Variants in DIP2C observed in about 807,000 individuals in gnomAD.
DIP2C encodes DIP2 acetate--CoA ligase C (putative).
Under a neutral mutation model 192.4 loss-of-function variants are expected in DIP2C, and 33 were observed. The observed-to-expected ratio is 0.17, with a 90% CI of 0.13 to 0.23. The LOEUF (loss-of-function observed/expected upper bound fraction) is 0.23, where lower values mean the gene tolerates loss of function less well. Among genes scored for constraint, DIP2C ranks in the 10% least tolerant of loss-of-function variants. The pLI is 1.00. For synonymous variants in DIP2C, 979 were observed against 864.1 expected, an observed-to-expected ratio of 1.13 and a Z score of -2.33; for missense variants, 1,537 against 2,110.1, an observed-to-expected ratio of 0.73 and a Z score of 5.32.
At chr10:686,426 C>T (rs1015224233) in intron 1 of DIP2C, among the ~76,000 whole-genome samples, 1 of 152,144 alleles carries the variant, frequency 6.6e-6, no homozygotes, top group Non-Finnish European at 1.5e-5. Context: ...CCTGCACAGC[C>T]TCCGCACCCA....
chr10:662,998 CA>C (rs1372371949), intron 1 of DIP2C: 1 of 712,008 alleles, frequency 1.4e-6, no homozygotes. Flanking sequence ...GAACGTCACA[CA>C]AAAGGGTTTC....
rs901181143 is a variant in DIP2C, at chr10:423,101, G to A, written c.395-68C>T. ...ACGTGCACCACAATCTCAGTCCCTC[G>A]CCAAACACAGATTTACTTCACGTAA... On this transcript the variant is annotated intron_variant, in intron 4 of 36. Coordinates refer to ENST00000280886, the MANE Select transcript of DIP2C (RefSeq NM_014974.3). The A allele has an allele frequency of 2.1e-5, 30 of 1,405,276 alleles. No individual in the cohort carries two copies. The Admixed American group carries it at 5.0e-4, about 23-fold the overall frequency. The allele number at this position is 1,405,276 out of a possible 1,614,324, so 87.1% of individuals were successfully genotyped here.
At chr10:677,656 G>A (rs1294955483) in intron 1 of DIP2C, among the ~76,000 whole-genome samples, 1 of 152,206 alleles carries the variant, frequency 6.6e-6, no homozygotes, top group Admixed American at 6.5e-5. Context: ...GGTGGGGCCA[G>A]GGAACTTCAA....
chr10:290,549 G>A lies in DIP2C; in HGVS notation c.3987-2128C>T, dbSNP rs149650833. Among the ~76,000 whole-genome samples, 403 of 152,314 alleles carry A rather than the reference G, an allele frequency of 2.6e-3. 1 individual carries two copies. The highest frequency in any genetic ancestry group is 4.8e-3 in the Non-Finnish European group (328 of 68,026). ...GACAATGATGCTGACTCCTTCCTCC[G>A]TGCCAGGAGGCCCGCAGATGTGCCC... On this transcript the variant is annotated intron_variant, in intron 32 of 36. Coordinates refer to ENST00000280886, the MANE Select transcript of DIP2C (RefSeq NM_014974.3).
intron 1 of DIP2C, among the ~76,000 whole-genome samples, chr10:519,637 TC>T (rs2130810197): frequency 6.6e-6 from 1 of 152,334 alleles, no homozygotes; most frequent in Admixed American, 6.5e-5. Context: ...GGCCCAGCAG[TC>T]ACCTACACTG....
intron 1 of DIP2C, among the ~76,000 whole-genome samples, chr10:580,740 T>C (rs1554744567): frequency 6.6e-6 from 1 of 152,298 alleles, no homozygotes; most frequent in African/African-American, 2.4e-5. Context: ...AATTTTTTTT[T>C]CCAAACTGTA....
At chr10:343,286 C>T (rs573528420) in intron 28 of DIP2C, among the ~76,000 whole-genome samples, 39 of 152,162 alleles carry the variant, frequency 2.6e-4, no homozygotes, top group Non-Finnish European at 1.5e-4. Context: ...AAGACTCCAT[C>T]TCAAACAAAA....
intron 26 of DIP2C, 45 bp from the exon 27 acceptor site, chr10:345,155 T>C (rs1416035527): frequency 6.4e-7 from 1 of 1,554,522 alleles, no homozygotes; most frequent in East Asian, 2.3e-5. Flanking sequence ...TGGACCCAGA[T>C]GAAAGCGTGC....
intron 1 of DIP2C, among the ~76,000 whole-genome samples, chr10:531,222 C>G (rs1003687994): frequency 3.3e-5 from 5 of 152,142 alleles, no homozygotes; most frequent in African/African-American, 1.2e-4. Flanking sequence ...CGTAAACATT[C>G]AGACATTCCA....
At chr10:380,892 T>C (rs900290386) in intron 17 of DIP2C, among the ~76,000 whole-genome samples, 1 of 152,204 alleles carries the variant, frequency 6.6e-6, no homozygotes, top group African/African-American at 2.4e-5. Flanking sequence ...TCACAGGCAC[T>C]GGCTCATTTT....
At chr10:552,626 G>A (rs537769044) in intron 1 of DIP2C, among the ~76,000 whole-genome samples, 2 of 152,296 alleles carry the variant, frequency 1.3e-5, no homozygotes, top group East Asian at 1.9e-4. Context: ...CGAGGCGGGC[G>A]GATCACGAGG....
At chr10:307,241 C>G (rs1244950708) in intron 32 of DIP2C, among the ~76,000 whole-genome samples, 3 of 152,198 alleles carry the variant, frequency 2.0e-5, no homozygotes, top group Non-Finnish European at 4.4e-5. Context: ...GAAATGGAAA[C>G]AGACTAAGGC....
intron 29 of DIP2C, among the ~76,000 whole-genome samples, chr10:332,624 T>TA (rs1232172629): frequency 2.0e-5 from 3 of 152,224 alleles, no homozygotes; most frequent in Non-Finnish European, 2.9e-5. Flanking sequence ...CATTATTCTC[T>TA]GAGAATGTTG....
intron 5 of DIP2C, among the ~76,000 whole-genome samples, chr10:420,554 T>G (rs909179448): frequency 6.6e-6 from 1 of 152,110 alleles, no homozygotes; most frequent in African/African-American, 2.4e-5. Flanking sequence ...CTGGGAGGCC[T>G]CCTCTCAGCT....
intron 1 of DIP2C, among the ~76,000 whole-genome samples, chr10:611,299 G>T (rs952854108): frequency 6.6e-6 from 1 of 152,290 alleles, no homozygotes; most frequent in Non-Finnish European, 1.5e-5. Flanking sequence ...ACAGCCCACA[G>T]AACAGTATGC....
chr10:463,650 T>G (rs1374077494), intron 3 of DIP2C, among the ~76,000 whole-genome samples: 1 of 152,162 alleles, frequency 6.6e-6, no homozygotes, highest in African/African-American at 2.4e-5. Flanking sequence ...ACTTTAAATT[T>G]CATATGGAAC....
rs746154782 is a variant in DIP2C at position 363,187 on chromosome 10, G to A, written c.2592+10C>T. The A allele has an allele frequency of 6.2e-6, 10 of 1,611,288 alleles. No individual in the cohort carries two copies. In the South Asian group the frequency reaches 1.1e-4, roughly 18 times the overall value. Reference sequence around the variant, plus strand: ...ACAGGGGACCAGTGCCCAGGGCGAGGGAGGGCAACCTGCAGCACACGGCTC... The same window carrying A: ...ACAGGGGACCAGTGCCCAGGGCGAGAGAGGGCAACCTGCAGCACACGGCTC... On this transcript the variant is annotated intron_variant, in intron 21 of 36. Coordinates refer to ENST00000280886, the MANE Select transcript of DIP2C (RefSeq NM_014974.3). This position sits in a 1 kb window ranked among gnomAD's most constrained non-coding sequence, Gnocchi z 5.4.
chr10:344,382 GTGGGGC>G (rs1357223837), intron 28 of DIP2C, among the ~76,000 whole-genome samples: 12 of 136,910 alleles, frequency 8.8e-5, no homozygotes, highest in African/African-American at 3.5e-4. Flanking sequence ...GTCCCCAAGG[GTGGGGC>G]GGGGGCGGGG....
chr10:480,348 T>A (rs1378951777), intron 2 of DIP2C, among the ~76,000 whole-genome samples: 1 of 139,676 alleles, frequency 7.2e-6, no homozygotes, highest in African/African-American at 2.8e-5. Context: ...GAGGGTCTCA[T>A]CCACCAGCCT....
Sources: gnomAD v4.1 joint callset for allele counts (sites outside exome capture counted in the v4.1 genomes callset) on GRCh38, gnomAD v4.1.1 for gene constraint, Gnocchi (gnomAD v3.1) non-coding constraint, MANE v1.5 for transcripts, NCBI Gene and HGNC (gene_info 2026-07-23, HGNC 2026-07-21) for gene names.